Variants in FOXP1 observed in about 807,000 individuals in gnomAD.
FOXP1 encodes forkhead box protein P1.
FOXP1 carries 15 observed loss-of-function variants against 98.2 expected under a neutral mutation model. The observed-to-expected ratio is 0.15, with a 90% CI of 0.10 to 0.24. The LOEUF is 0.24. Among genes scored for constraint, FOXP1 ranks in the 10% least tolerant of loss-of-function variants. The pLI is 1.00. For synonymous variants in FOXP1, 371 were observed against 314.5 expected (o/e 1.18, Z -1.90); for missense variants, 633 against 848.5 (o/e 0.75, Z 3.15).
chr3:71,116,568 T>C (rs1436007123), intron 6 of FOXP1, among the ~76,000 whole-genome samples: 2 of 152,212 alleles, frequency 1.3e-5, no homozygotes, highest in Non-Finnish European at 2.9e-5. Flanking sequence ...CCCACAATAA[T>C]TCCCCAGCTT....
intron 5 of FOXP1, among the ~76,000 whole-genome samples, chr3:71,239,314 T>C (rs909354366): frequency 1.3e-5 from 2 of 152,030 alleles, no homozygotes; most frequent in African/African-American, 4.8e-5. Flanking sequence ...GAGGCCGAGG[T>C]AGGCAGATCA....
At chr3:71,371,555 GCAGGAAGATCGCTTGAAGC>G (rs2079314951) in intron 3 of FOXP1, among the ~76,000 whole-genome samples, 1 of 152,218 alleles carries the variant, frequency 6.6e-6, no homozygotes, top group Non-Finnish European at 1.5e-5. Flanking sequence ...TGAGCCTGAG[GCAGGAAGATCGCTTGAAGC>G]CAGGAGCTTG....
chr3:71,036,015 G>A (rs1461451538), intron 11 of FOXP1, among the ~76,000 whole-genome samples: 1 of 152,158 alleles, frequency 6.6e-6, no homozygotes, highest in Non-Finnish European at 1.5e-5. Flanking sequence ...ACATGTACAT[G>A]TTTCAAAGTT....
rs148899887 is a variant in FOXP1 at position 71,138,220 on chromosome 3, A to G, written c.181-25583T>C. On this transcript the variant is annotated intron_variant, in intron 6 of 20. Coordinates refer to ENST00000649528, the MANE Select transcript of FOXP1 (RefSeq NM_001349338.3). ...GTGGAGGAAGAAGCGAATGCTTCTA[A>G]TTGCCTCAAAATGGGATTTTTAATA... Among the ~76,000 whole-genome samples the G allele has an allele frequency of 8.7e-3, 1,323 of 152,296 alleles. 21 individuals carry two copies. The highest frequency in any genetic ancestry group is 0.029 in the African/African-American group (1,218 of 41,558).
At chr3:71,360,565 G>A (rs1163474708) in intron 3 of FOXP1, 2 of 152,088 alleles carry the variant, frequency 1.3e-5, no homozygotes, top group African/African-American at 2.4e-5. Context: ...GCGAATAGCT[G>A]TCAGTAGCAA....
At chr3:71,058,786 T>C (rs1385458346) in intron 7 of FOXP1, among the ~76,000 whole-genome samples, 2 of 151,674 alleles carry the variant, frequency 1.3e-5, no homozygotes, top group Non-Finnish European at 1.5e-5. Flanking sequence ...TATTTCTCCA[T>C]GGTATTAAAA....
chr3:71,546,350 T>C (rs2045359117), intron 2 of FOXP1, among the ~76,000 whole-genome samples: 1 of 152,324 alleles, frequency 6.6e-6, no homozygotes, highest in African/African-American at 2.4e-5. Context: ...GATTTGCTCA[T>C]TAACTGAGCT....
intron 3 of FOXP1, among the ~76,000 whole-genome samples, chr3:71,392,787 C>T (rs76719042): frequency 3.3e-5 from 5 of 152,166 alleles, no homozygotes; most frequent in Non-Finnish European, 7.4e-5. Context: ...ATTGTTCACG[C>T]TAACCTAAGT....
At chr3:71,251,354 C>A (rs1311692405) in intron 5 of FOXP1, among the ~76,000 whole-genome samples, 1 of 152,194 alleles carries the variant, frequency 6.6e-6, no homozygotes, top group Non-Finnish European at 1.5e-5. Context: ...CCCTGAAAAA[C>A]CCAAAATGCA....
At chr3:71,237,128 A>C (rs59471211) in intron 5 of FOXP1, among the ~76,000 whole-genome samples, 1 of 143,268 alleles carries the variant, frequency 7.0e-6, no homozygotes, top group Non-Finnish European at 1.5e-5. Flanking sequence ...GCCACTTGGG[A>C]GGCTGAGACA....
chr3:71,076,718 TCTC>T (rs2107483930), intron 7 of FOXP1, among the ~76,000 whole-genome samples: 1 of 152,346 alleles, frequency 6.6e-6, no homozygotes, highest in African/African-American at 2.4e-5. Context: ...CTCTTCCTCT[TCTC>T]CTTCTTCCTG....
chr3:71,279,017 CTG>C (rs1446812972), intron 5 of FOXP1, among the ~76,000 whole-genome samples: 4 of 151,710 alleles, frequency 2.6e-5, no homozygotes, highest in African/African-American at 9.7e-5. Context: ...CATGGCGAAA[CTG>C]TGTCTTCTAC....
chr3:71,430,852 T>C (rs568210844), intron 3 of FOXP1, among the ~76,000 whole-genome samples: 43 of 152,264 alleles, frequency 2.8e-4, no homozygotes, highest in African/African-American at 1.0e-3. Context: ...CCCATGTTTC[T>C]ATGGCAAGAA....
intron 4 of FOXP1, among the ~76,000 whole-genome samples, chr3:71,331,277 C>T (rs981800362): frequency 6.6e-6 from 1 of 152,202 alleles, no homozygotes; most frequent in Non-Finnish European, 1.5e-5. Flanking sequence ...GCACCTGGGC[C>T]AGCAGCTGCT....
At chr3:71,545,240 T>C (rs2045265254) in intron 2 of FOXP1, among the ~76,000 whole-genome samples, 1 of 152,156 alleles carries the variant, frequency 6.6e-6, no homozygotes, top group Non-Finnish European at 1.5e-5. Flanking sequence ...AGCCACTTTC[T>C]AGTTGAGTAA....
intron 3 of FOXP1, among the ~76,000 whole-genome samples, chr3:71,411,125 T>C (rs1303859899): frequency 2.6e-5 from 4 of 152,224 alleles, no homozygotes; most frequent in African/African-American, 7.2e-5. Context: ...ATATGAAATA[T>C]ACACGCTTAT....
intron 7 of FOXP1, among the ~76,000 whole-genome samples, chr3:71,064,574 G>A (rs907435388): frequency 1.3e-4 from 20 of 151,682 alleles, no homozygotes; most frequent in Admixed American, 3.3e-4. Context: ...GGGTGGGGGG[G>A]TATCTCTCTC....
intron 7 of FOXP1, among the ~76,000 whole-genome samples, chr3:71,076,128 C>A (rs2053784072): frequency 6.6e-6 from 1 of 152,010 alleles, no homozygotes; most frequent in Admixed American, 6.5e-5. Context: ...TATATTTTTT[C>A]AATGTTTTGT....
At chr3:71,396,973 T>TATATATATACAC (rs1560424550) in intron 3 of FOXP1, among the ~76,000 whole-genome samples, 40 of 27,288 alleles carry the variant, frequency 1.5e-3, no homozygotes, top group Non-Finnish European at 3.0e-3. Context: ...TGTGTGTATA[T>TATATATATACAC]ATATATATGT....
Sources: gnomAD v4.1 joint callset for allele counts (sites outside exome capture counted in the v4.1 genomes callset) on GRCh38, gnomAD v4.1.1 for gene constraint, MANE v1.5 for transcripts, NCBI Gene and HGNC (gene_info 2026-07-23, HGNC 2026-07-21) for gene names.